Variants in COL13A1 observed in about 807,000 individuals in gnomAD.
The protein encoded by COL13A1 is collagen alpha-1(XIII) chain.
A neutral mutation model predicts 130.9 loss-of-function variants in COL13A1; 89 were observed. That is an observed-to-expected ratio of 0.68 (90% CI 0.57 to 0.81). The LOEUF (loss-of-function observed/expected upper bound fraction) is 0.81, where lower values mean the gene tolerates loss of function less well. Ranked by LOEUF, COL13A1 falls within the 30% of genes least tolerant of loss-of-function variation. The pLI, the probability that COL13A1 is intolerant of heterozygous loss-of-function variation, is 0.00. For synonymous variants in COL13A1, 402 were observed against 341.6 expected, an observed-to-expected ratio of 1.18 and a Z score of -1.95; for missense variants, 879 against 934.6, an observed-to-expected ratio of 0.94 and a Z score of 0.78.
chr10:69,877,699 TCACA>T (rs10532425), intron 5 of COL13A1: 8,225 of 86,646 alleles, frequency 0.095, 493 homozygotes, highest in East Asian at 0.18. Context: ...TCTCTCTCTC[TCACA>T]CACACACACA....
chr10:69,913,997 A>G (rs957466750), intron 17 of COL13A1, among the ~76,000 whole-genome samples: 4 of 152,172 alleles, frequency 2.6e-5, no homozygotes, highest in African/African-American at 9.7e-5. Context: ...CCTCCCGAGG[A>G]GGCTCCTGGG....
In COL13A1 at chr10:69,958,179, C is replaced by T. The variant is rs142550769; in HGVS notation, c.2185-520C>T. Among the ~76,000 whole-genome samples, 325 of 152,310 alleles carry T rather than the reference C, an allele frequency of 2.1e-3. 1 individual carries two copies. The highest frequency in any genetic ancestry group is 7.0e-3 in the African/African-American group (289 of 41,570). ...CTGGAGGCTGGCCTCGTCCTCCTGC[C>T]AAGCTCCACTTAGACCTAGTTAAAG... is the stretch of plus-strand genomic sequence containing the variant. On this transcript the variant is annotated intron_variant, in intron 40 of 40. Transcript: ENST00000645393.
At chr10:69,945,067 C>T (rs532299719) in intron 36 of COL13A1, among the ~76,000 whole-genome samples, 11 of 152,286 alleles carry the variant, frequency 7.2e-5, no homozygotes, top group African/African-American at 2.4e-4. Flanking sequence ...GGCAGGGGAG[C>T]TGTGTCTTTC....
At chr10:69,904,059 G>A (rs546833654) in intron 15 of COL13A1, among the ~76,000 whole-genome samples, 11 of 152,186 alleles carry the variant, frequency 7.2e-5, no homozygotes, top group Middle Eastern at 3.4e-3. Context: ...CCACAATTTC[G>A]CCCCAGCACC....
At chr10:69,929,953 G>T (rs1589594126) in intron 28 of COL13A1, 90 bp from the exon 29 acceptor site, 1 of 1,060,178 alleles carries the variant, frequency 9.4e-7, no homozygotes, top group East Asian at 2.4e-5. Flanking sequence ...GGAAAGTGTG[G>T]AGTGGGATGC....
chr10:69,841,518 A>G (rs1304581766), intron 2 of COL13A1, among the ~76,000 whole-genome samples: 6 of 152,340 alleles, frequency 3.9e-5, no homozygotes, highest in African/African-American at 4.8e-5. Context: ...TCATTCATGT[A>G]TCATTCAACA....
intron 14 of COL13A1, among the ~76,000 whole-genome samples, chr10:69,899,596 T>C (rs1367244803): frequency 6.6e-6 from 1 of 152,200 alleles, no homozygotes; most frequent in Non-Finnish European, 1.5e-5. Flanking sequence ...AGCAAGGGAA[T>C]TTGTGGAGGG....
chr10:69,889,210 G>C (rs1224570462), intron 9 of COL13A1, among the ~76,000 whole-genome samples: 4 of 152,250 alleles, frequency 2.6e-5, no homozygotes, highest in Non-Finnish European at 5.9e-5. Context: ...GTGAGGCCCA[G>C]CGAGGGGCAG....
chr10:69,828,142 C>G (rs1200800291), intron 2 of COL13A1, among the ~76,000 whole-genome samples: 2 of 152,188 alleles, frequency 1.3e-5, no homozygotes, highest in African/African-American at 4.8e-5. Context: ...TTTCTTAAAG[C>G]AGATCCCCTG....
At chr10:69,918,710 G>A in intron 19 of COL13A1, among the ~76,000 whole-genome samples, 1 of 152,194 alleles carries the variant, frequency 6.6e-6, no homozygotes, top group Non-Finnish European at 1.5e-5. Flanking sequence ...TGTGAGGACA[G>A]CCTGGAAAAA....
chr10:69,816,052 G>T (rs764600626), intron 1 of COL13A1, among the ~76,000 whole-genome samples: 2 of 151,568 alleles, frequency 1.3e-5, no homozygotes, highest in Admixed American at 6.6e-5. Context: ...AGGCCCTGAG[G>T]TAGAGAAAGC....
At chr10:69,947,931 T>C (rs3793815) in intron 38 of COL13A1, among the ~76,000 whole-genome samples, 60,857 of 152,114 alleles carry the variant, frequency 0.4, 12,315 homozygotes, top group South Asian at 0.48. Flanking sequence ...CAAATGCCCA[T>C]GGCACCCACA....
chr10:69,910,413 C>T (rs1466719111), intron 17 of COL13A1, among the ~76,000 whole-genome samples: 1 of 152,106 alleles, frequency 6.6e-6, no homozygotes, highest in Non-Finnish European at 1.5e-5. Flanking sequence ...CCTTGCTTCA[C>T]CCCAGAGATC....
At chr10:69,837,972 A>AAGATCTCCC (rs1850546620) in intron 2 of COL13A1, among the ~76,000 whole-genome samples, 1 of 152,212 alleles carries the variant, frequency 6.6e-6, no homozygotes, top group Admixed American at 6.5e-5. Context: ...GGGAAGCTCC[A>AAGATCTCCC]AGATCTCCCA....
intron 37 of COL13A1, among the ~76,000 whole-genome samples, chr10:69,946,487 A>G (rs990333198): frequency 8.5e-5 from 13 of 152,186 alleles, no homozygotes; most frequent in Non-Finnish European, 1.2e-4. Context: ...GAGAGCCCGC[A>G]CTTTAGTTTC....
chr10:69,846,042 A>G (rs1173659274), intron 2 of COL13A1, among the ~76,000 whole-genome samples: 1 of 152,256 alleles, frequency 6.6e-6, no homozygotes, highest in Non-Finnish European at 1.5e-5. Flanking sequence ...GCAGTCCTGA[A>G]TGAACCATTC....
intron 2 of COL13A1, among the ~76,000 whole-genome samples, chr10:69,855,906 C>T (rs138817650): frequency 6.9e-6 from 1 of 144,706 alleles, no homozygotes; most frequent in Non-Finnish European, 1.5e-5. Context: ...TGACATTGCT[C>T]CTTCACAGAT....
intron 17 of COL13A1, 114 bp from the exon 18 acceptor site, chr10:69,917,175 C>A: frequency 7.5e-7 from 1 of 1,337,138 alleles, no homozygotes; most frequent in Non-Finnish European, 1.0e-6. Flanking sequence ...CAGAGCTCAA[C>A]ATGAACCGGA....
intron 17 of COL13A1, among the ~76,000 whole-genome samples, chr10:69,914,322 A>G (rs1237566052): frequency 6.6e-6 from 1 of 150,584 alleles, no homozygotes; most frequent in African/African-American, 2.4e-5. Flanking sequence ...AACCAAGCCA[A>G]ATGGCACCTC....
Sources: allele counts gnomAD v4.1 joint callset (sites outside exome capture counted in the v4.1 genomes callset), GRCh38; gene constraint gnomAD v4.1.1; transcripts MANE v1.5; gene names NCBI Gene and HGNC (gene_info 2026-07-23, HGNC 2026-07-21).